The following PRUNE2 variants were observed in gnomAD, a reference collection of about 807,000 sequenced individuals.
PRUNE2 encodes protein prune homolog 2.
A neutral mutation model predicts 252.0 loss-of-function variants in PRUNE2; 164 were observed. The observed-to-expected ratio is 0.65, with a 90% CI of 0.57 to 0.74. The LOEUF is 0.74. PRUNE2 is among the 30% of genes least tolerant of loss of function. The pLI is 0.00. For missense variants in PRUNE2, 3,495 were observed against 3,711.0 expected, an observed-to-expected ratio of 0.94 and a Z score of 1.51; for synonymous variants, 1,292 against 1,350.2, an observed-to-expected ratio of 0.96 and a Z score of 0.94.
chr9:76,779,300 G>A (rs760322087), intron 6 of PRUNE2, among the ~76,000 whole-genome samples: 5 of 151,506 alleles, frequency 3.3e-5, no homozygotes, highest in Non-Finnish European at 5.9e-5. Context: ...AAATAGCAGT[G>A]AGTTCCACAT....
At chr9:76,765,798 A>G (rs2052300043) in intron 6 of PRUNE2, among the ~76,000 whole-genome samples, 1 of 152,192 alleles carries the variant, frequency 6.6e-6, no homozygotes, top group Non-Finnish European at 1.5e-5. Flanking sequence ...TCTGGGACTC[A>G]CTTTCCTTAT....
At chr9:76,691,605 C>T (rs973337108) in intron 9 of PRUNE2, among the ~76,000 whole-genome samples, 35 of 152,270 alleles carry the variant, frequency 2.3e-4, no homozygotes, top group African/African-American at 7.9e-4. Flanking sequence ...GATGCACTAG[C>T]TTCAATAGCA....
At chr9:76,825,606 C>A (rs11792237) in intron 5 of PRUNE2, among the ~76,000 whole-genome samples, 19,228 of 152,252 alleles carry the variant, frequency 0.13, 1,328 homozygotes, top group East Asian at 0.18. Flanking sequence ...TGGGTTTAGG[C>A]CTTGCCTGGC....
intron 6 of PRUNE2, among the ~76,000 whole-genome samples, chr9:76,715,253 T>C (rs491798): frequency 6.6e-6 from 1 of 152,006 alleles, no homozygotes; most frequent in Non-Finnish European, 1.5e-5. Flanking sequence ...ATTTGTGGCT[T>C]AGACTATTTA....
intron 15 of PRUNE2, among the ~76,000 whole-genome samples, chr9:76,632,041 C>T (rs774176367): frequency 6.6e-6 from 1 of 152,160 alleles, no homozygotes; most frequent in Non-Finnish European, 1.5e-5. Context: ...TTATCCAATC[C>T]ACTGTTAATG....
rs565205144 is a variant in PRUNE2 at position 76,728,279 on chromosome 9, T to C, written c.757-14558A>G. On this transcript the variant is annotated intron_variant, in intron 6 of 18. Coordinates refer to ENST00000376718, the MANE Select transcript of PRUNE2 (RefSeq NM_015225.3). The stretch of plus-strand genomic sequence containing the variant: ...TTAAAACCCATTTCTGGGCCTGAAT[T>C]ATCTAAACCTGTATGTTCACATCTC... Among the ~76,000 whole-genome samples the C allele has an allele frequency of 2.6e-4, 40 of 152,230 alleles. No homozygotes were observed. In the South Asian group the frequency reaches 8.1e-3, roughly 31 times the overall value.
chr9:76,641,902 C>G (rs777418063), intron 12 of PRUNE2: 2 of 1,504,888 alleles, frequency 1.3e-6, no homozygotes, highest in African/African-American at 1.4e-5. Flanking sequence ...CACACACACA[C>G]ACCAGCCAGC....
chr9:76,875,242 C>G (rs1054003756), intron 1 of PRUNE2, among the ~76,000 whole-genome samples: 9 of 152,184 alleles, frequency 5.9e-5, no homozygotes, highest in African/African-American at 2.2e-4. Flanking sequence ...CTACACTGAC[C>G]TCCCCACCCA....
chr9:76,861,407 C>T (rs7037725), intron 1 of PRUNE2, among the ~76,000 whole-genome samples: 6,992 of 152,162 alleles, frequency 0.046, 533 homozygotes, highest in African/African-American at 0.16. Flanking sequence ...ATCTGTTATT[C>T]GAGAAAGAGA....
chr9:76,659,235 G>A (rs975240152), intron 9 of PRUNE2, among the ~76,000 whole-genome samples: 5 of 152,140 alleles, frequency 3.3e-5, no homozygotes, highest in Admixed American at 3.3e-4. Flanking sequence ...CTATATAGCT[G>A]GCCTTTATTG....
intron 6 of PRUNE2, among the ~76,000 whole-genome samples, chr9:76,735,831 C>T (rs554975548): frequency 6.6e-6 from 1 of 152,216 alleles, no homozygotes; most frequent in East Asian, 1.9e-4. Flanking sequence ...GATGAGAAAG[C>T]TGAAGCTCAA....
chr9:76,875,695 A>T (rs185749815), intron 1 of PRUNE2, among the ~76,000 whole-genome samples: 1 of 140,178 alleles, frequency 7.1e-6, no homozygotes, highest in Non-Finnish European at 1.5e-5. Context: ...GTGTGAGTCC[A>T]AAGTCTCAAG....
intron 4 of PRUNE2, among the ~76,000 whole-genome samples, chr9:76,827,975 G>C (rs2058441791): frequency 6.6e-6 from 1 of 152,184 alleles, no homozygotes; most frequent in South Asian, 2.1e-4. Flanking sequence ...CCTTTTATCG[G>C]CCAGGCAGGG....
intron 6 of PRUNE2, among the ~76,000 whole-genome samples, chr9:76,731,310 C>CTATATA (rs1194576016): frequency 1.6e-4 from 6 of 36,650 alleles, no homozygotes; most frequent in African/African-American, 4.2e-4. Context: ...ATCTATCTAT[C>CTATATA]TATATATATA....
chr9:76,652,957 G>A (rs182835312), intron 10 of PRUNE2, among the ~76,000 whole-genome samples: 1 of 152,216 alleles, frequency 6.6e-6, no homozygotes, highest in Non-Finnish European at 1.5e-5. Flanking sequence ...TAACCTATAC[G>A]TGGCTGCCAA....
intron 9 of PRUNE2, among the ~76,000 whole-genome samples, chr9:76,655,726 C>G (rs1456162941): frequency 1.3e-5 from 2 of 152,094 alleles, no homozygotes; most frequent in African/African-American, 4.8e-5. Context: ...CAAGTCACTT[C>G]TGCTAGCTCA....
chr9:76,897,065 T>C (rs1303642995), intron 1 of PRUNE2, among the ~76,000 whole-genome samples: 2 of 152,204 alleles, frequency 1.3e-5, no homozygotes, highest in African/African-American at 2.4e-5. Context: ...CCTAACACCA[T>C]GTTTTTCTCA....
intron 6 of PRUNE2, among the ~76,000 whole-genome samples, chr9:76,761,621 T>C (rs2051740071): frequency 6.6e-6 from 1 of 152,354 alleles, no homozygotes; most frequent in African/African-American, 2.4e-5. Flanking sequence ...TTTTATACTT[T>C]AGACATTTTA....
intron 6 of PRUNE2, among the ~76,000 whole-genome samples, chr9:76,816,595 T>C (rs934504377): frequency 1.3e-5 from 2 of 152,202 alleles, no homozygotes; most frequent in Non-Finnish European, 2.9e-5. Flanking sequence ...TAACTGTATT[T>C]GTCATTTGCT....
Sources: allele counts gnomAD v4.1 joint callset (sites outside exome capture counted in the v4.1 genomes callset), GRCh38; gene constraint gnomAD v4.1.1; transcripts MANE v1.5; gene names NCBI Gene and HGNC (gene_info 2026-07-23, HGNC 2026-07-21).